The following RGS6 variants were observed in gnomAD, a reference collection of about 807,000 sequenced individuals.
RGS6 encodes the protein regulator of G protein signaling 6, also known as regulator of G-protein signaling 6.
Under a neutral mutation model 78.5 loss-of-function variants are expected in RGS6, and 30 were observed. The ratio of observed to expected loss-of-function variants is 0.38; its 90% CI spans 0.29 to 0.52. The LOEUF is 0.52. Among genes scored for constraint, RGS6 ranks in the 20% least tolerant of loss-of-function variants. The pLI is 0.85. For synonymous variants in RGS6, 206 were observed against 206.0 expected, an observed-to-expected ratio of 1.00 and a Z score of 0.00; for missense variants, 495 against 609.7, an observed-to-expected ratio of 0.81 and a Z score of 1.98.
chr14:71,889,086 C>G, the RGS6 span, among the ~76,000 whole-genome samples: 6 of 152,102 alleles, frequency 3.9e-5, no homozygotes, highest in East Asian at 1.2e-3. Context: ...AATAATGACA[C>G]AGTGTGAGTA....
At chr14:72,518,314 C>A (rs376392951) in intron 14 of RGS6, 37 bp from the exon 15 acceptor site, 24 of 1,586,652 alleles carry the variant, frequency 1.5e-5, no homozygotes, top group Non-Finnish European at 2.0e-5. Flanking sequence ...CGATGCTGAG[C>A]CCCCTGGAAC....
chr14:71,910,231 A>G, the RGS6 span, among the ~76,000 whole-genome samples: 1 of 147,544 alleles, frequency 6.8e-6, no homozygotes, highest in African/African-American at 2.5e-5. Flanking sequence ...CAAAACAAAA[A>G]AACAGCAAGC....
At chr14:72,305,789 T>A (rs755011675) in intron 2 of RGS6, among the ~76,000 whole-genome samples, 12 of 151,972 alleles carry the variant, frequency 7.9e-5, no homozygotes, top group Non-Finnish European at 1.5e-4. Context: ...AAAGGAAGAG[T>A]CATACATCTC....
chr14:72,256,967 C>T (rs963749536), intron 2 of RGS6, among the ~76,000 whole-genome samples: 5 of 152,190 alleles, frequency 3.3e-5, no homozygotes, highest in African/African-American at 1.2e-4. Flanking sequence ...ACCCCAAAAA[C>T]ATGTCATTGA....
intron 2 of RGS6, among the ~76,000 whole-genome samples, chr14:72,044,292 G>A (rs188845126): frequency 8.3e-4 from 126 of 152,260 alleles, no homozygotes; most frequent in Middle Eastern, 3.4e-3. Context: ...TACCCAGATA[G>A]CTAGAAAAGC....
intron 2 of RGS6, among the ~76,000 whole-genome samples, chr14:72,216,329 C>G (rs1329203163): frequency 1.3e-5 from 2 of 152,202 alleles, no homozygotes; most frequent in African/African-American, 2.4e-5. Context: ...ATTATGCTTT[C>G]TATAAATGTA....
chr14:72,431,115 A>G (rs746757116), intron 3 of RGS6, among the ~76,000 whole-genome samples: 7 of 152,188 alleles, frequency 4.6e-5, no homozygotes, highest in Non-Finnish European at 8.8e-5. Context: ...AAAAGTCCAT[A>G]TGTACTAGGA....
At chr14:72,232,290 A>T (rs1340185940) in intron 2 of RGS6, among the ~76,000 whole-genome samples, 2 of 152,170 alleles carry the variant, frequency 1.3e-5, no homozygotes, top group Non-Finnish European at 2.9e-5. Context: ...AAGAACTCTG[A>T]CCCAGATTCT....
intron 2 of RGS6, among the ~76,000 whole-genome samples, chr14:72,230,510 C>G (rs2049279968): frequency 6.6e-6 from 1 of 152,100 alleles, no homozygotes; most frequent in African/African-American, 2.4e-5. Context: ...TATTGAGGAT[C>G]CAACTAAGAT....
chr14:72,546,842 A>AG (rs1452884885), intron 17 of RGS6, among the ~76,000 whole-genome samples: 1 of 152,204 alleles, frequency 6.6e-6, no homozygotes, highest in African/African-American at 2.4e-5. Flanking sequence ...CTGGGGGCAA[A>AG]GTGTGTGTAT....
At chr14:72,168,831 G>A (rs1013649382) in intron 2 of RGS6, among the ~76,000 whole-genome samples, 6 of 152,160 alleles carry the variant, frequency 3.9e-5, no homozygotes, top group Non-Finnish European at 4.4e-5. Context: ...CCTCTAAAGC[G>A]TGGAGTCCCA....
chr14:72,473,287 CA>C (rs1035679844), intron 9 of RGS6, among the ~76,000 whole-genome samples: 1 of 152,020 alleles, frequency 6.6e-6, no homozygotes, highest in Non-Finnish European at 1.5e-5. Flanking sequence ...ACTAAAAATA[CA>C]AAAAAATTAG....
chr14:72,524,623 C>T (rs2097096039), intron 15 of RGS6, among the ~76,000 whole-genome samples: 1 of 152,182 alleles, frequency 6.6e-6, no homozygotes, highest in Non-Finnish European at 1.5e-5. Flanking sequence ...GCCCATACAC[C>T]CATGTCATGA....
chr14:72,571,443 C>G (rs1173924818), downstream of RGS6, among the ~76,000 whole-genome samples: 1 of 152,046 alleles, frequency 6.6e-6, no homozygotes, highest in Non-Finnish European at 1.5e-5. Context: ...CTACAGTAAT[C>G]AAGACAGGAC....
At chr14:72,166,625 A>G (rs910860724) in intron 2 of RGS6, among the ~76,000 whole-genome samples, 2 of 152,200 alleles carry the variant, frequency 1.3e-5, no homozygotes, top group African/African-American at 4.8e-5. Context: ...GGTTTGAGAA[A>G]TCTAAGTAAG....
At chr14:72,240,265 A>T (rs1337429977) in intron 2 of RGS6, among the ~76,000 whole-genome samples, 1 of 152,188 alleles carries the variant, frequency 6.6e-6, no homozygotes, top group Admixed American at 6.5e-5. Context: ...AATCTGTCTG[A>T]TCTCCCATCC....
chr14:72,281,074 T>G (rs182631414), intron 2 of RGS6, among the ~76,000 whole-genome samples: 1 of 151,894 alleles, frequency 6.6e-6, no homozygotes, highest in East Asian at 1.9e-4. Flanking sequence ...AATACAGAGA[T>G]AGTTATGCTG....
intron 2 of RGS6, among the ~76,000 whole-genome samples, chr14:72,073,118 G>A (rs969113169): frequency 5.3e-5 from 8 of 152,194 alleles, no homozygotes; most frequent in South Asian, 4.1e-4. Context: ...CCTTAGTTAA[G>A]TTTTGTTAAC....
chr14:72,134,148 C>G (rs2096388501), intron 2 of RGS6, among the ~76,000 whole-genome samples: 1 of 152,192 alleles, frequency 6.6e-6, no homozygotes, highest in African/African-American at 2.4e-5. Flanking sequence ...CGAGTTTAAC[C>G]ATTGCCAGTT....
Sources: allele counts gnomAD v4.1 joint callset (sites outside exome capture counted in the v4.1 genomes callset), GRCh38; gene constraint gnomAD v4.1.1; transcripts MANE v1.5; gene names NCBI Gene and HGNC (gene_info 2026-07-23, HGNC 2026-07-21).